The following NDUFA10 variants were observed in gnomAD, a reference collection of about 807,000 sequenced individuals.
NDUFA10 encodes the protein NADH dehydrogenase [ubiquinone] 1 alpha subcomplex subunit 10, mitochondrial.
In NDUFA10, 40 loss-of-function variants were observed where a neutral mutation model predicts 47.8. That is an observed-to-expected ratio of 0.84 (90% CI 0.65 to 1.09). The LOEUF is 1.09. NDUFA10 is among the 50% of genes least tolerant of loss of function. The probability of loss-of-function intolerance (pLI) is 0.00; values close to 1 mark genes in which losing one functional copy is unlikely to be tolerated. For synonymous variants in NDUFA10, 183 were observed against 172.2 expected (o/e 1.06, Z -0.49); for missense variants, 413 against 451.1 (o/e 0.92, Z 0.76).
At position 239,961,056 on chromosome 2, in the gene NDUFA10, G is replaced by C; in HGVS notation, c.*62C>G. 6.2e-7 allele frequency: 1 copy of C among 1,612,050 alleles called. No homozygotes were observed. The highest frequency in any genetic ancestry group is 1.1e-5 in the South Asian group (1 of 90,832). The stretch of plus-strand genomic sequence containing the variant: ...GATCTTAAAGCTATATGGCGTCCAG[G>C]AGAGTGCGGCTGATGCAGCTTGGCC... On this transcript the variant is annotated 3_prime_UTR_variant, in exon 10 of 10. Transcript: ENST00000252711.
At chr2:239,976,626 A>G (rs1051929379) in intron 9 of NDUFA10, 2 of 152,284 alleles carry the variant, frequency 1.3e-5, no homozygotes, top group African/African-American at 4.8e-5. Context: ...GCCCTGGTGC[A>G]GTGTCTGGCA....
At chr2:240,005,577 A>G (rs768677400) in intron 7 of NDUFA10, among the ~76,000 whole-genome samples, 59 of 152,038 alleles carry the variant, frequency 3.9e-4, no homozygotes, top group Non-Finnish European at 7.4e-4. Context: ...GGCTGGTCTC[A>G]AACTCCTGGG....
At chr2:239,961,778 G>A (rs933252835) in intron 9 of NDUFA10, among the ~76,000 whole-genome samples, 2 of 152,312 alleles carry the variant, frequency 1.3e-5, no homozygotes, top group African/African-American at 4.8e-5. Flanking sequence ...TGACCCTAGC[G>A]GGAGCCACTG....
intron 9 of NDUFA10, among the ~76,000 whole-genome samples, chr2:239,965,443 A>T (rs1473928454): frequency 6.6e-6 from 1 of 152,206 alleles, no homozygotes; most frequent in African/African-American, 2.4e-5. Flanking sequence ...CTCATTCATC[A>T]CATGAGAAAA....
intron 4 of NDUFA10, among the ~76,000 whole-genome samples, chr2:239,951,315 G>A (rs1415917306): frequency 2.6e-5 from 4 of 152,340 alleles, no homozygotes; most frequent in South Asian, 4.1e-4. Flanking sequence ...CAATGGCTGC[G>A]TCAGCCACCC....
At chr2:240,008,650 T>C (rs1014637641) in intron 6 of NDUFA10, among the ~76,000 whole-genome samples, 1 of 152,238 alleles carries the variant, frequency 6.6e-6, no homozygotes, top group East Asian at 1.9e-4. Context: ...TTTGACATAT[T>C]TGCACAAGAG....
At position 239,960,831 on chromosome 2, in the gene NDUFA10, G is replaced by A; in HGVS notation, c.*287C>T. 4 of 1,332,038 alleles carry A rather than the reference G, an allele frequency of 3.0e-6. No individual in the cohort carries two copies. Among genetic ancestry groups the A allele is most frequent in the Non-Finnish European group, 2.9e-6 (3 of 1,032,178 alleles). 82.5% of individuals were successfully genotyped at this position (1,332,038 alleles called of 1,614,324 possible). ...GAGCGGCAGCGCTGAAACCACAGGG[G>A]CTGCCGAGAGCTGGCCTTTCACAGC... On this transcript the variant is annotated 3_prime_UTR_variant, in exon 10 of 10. Transcript: ENST00000252711.
chr2:239,969,509 G>A (rs1040028748), intron 9 of NDUFA10: 4 of 376,970 alleles, frequency 1.1e-5, no homozygotes, highest in Non-Finnish European at 2.1e-5. Context: ...CAGTGATGGA[G>A]CACAGAAGAG....
intron 4 of NDUFA10, among the ~76,000 whole-genome samples, chr2:239,925,515 A>G (rs1293530651): frequency 6.6e-6 from 1 of 152,236 alleles, no homozygotes; most frequent in Non-Finnish European, 1.5e-5. Context: ...CCCTTTATGT[A>G]CAAAAATTAA....
chr2:240,013,350 A>G (rs1441433749), intron 5 of NDUFA10: 2 of 152,252 alleles, frequency 1.3e-5, no homozygotes, highest in African/African-American at 4.8e-5. Context: ...AGAAGTTGAC[A>G]GCTCTACTTT....
chr2:239,988,390 A>G (rs1696091752), intron 9 of NDUFA10, among the ~76,000 whole-genome samples: 1 of 152,224 alleles, frequency 6.6e-6, no homozygotes, highest in African/African-American at 2.4e-5. Context: ...ACATGAGACA[A>G]AATCTCACAA....
At chr2:240,017,302 C>CA (rs1348178740) in intron 4 of NDUFA10, among the ~76,000 whole-genome samples, 1 of 152,166 alleles carries the variant, frequency 6.6e-6, no homozygotes, top group East Asian at 1.9e-4. Context: ...CCCCAGCACC[C>CA]AGCCCTCACT....
chr2:239,983,294 AG>A (rs1418802765), intron 9 of NDUFA10, among the ~76,000 whole-genome samples: 1 of 152,194 alleles, frequency 6.6e-6, no homozygotes, highest in Non-Finnish European at 1.5e-5. Context: ...TGAAACCCAG[AG>A]GGGCTTTGTT....
chr2:239,941,738 G>GA (rs78415378), intron 4 of NDUFA10, among the ~76,000 whole-genome samples: 2 of 146,440 alleles, frequency 1.4e-5, no homozygotes, highest in South Asian at 4.4e-4. Context: ...AAAAAAAAAA[G>GA]AAAAAAAGGT....
intron 9 of NDUFA10, 129 bp from the exon 10 acceptor site, chr2:239,961,315 G>C (rs1468402057): frequency 6.5e-7 from 1 of 1,542,652 alleles, no homozygotes; most frequent in Admixed American, 1.9e-5. Context: ...GTGAGCACAT[G>C]ATCTGTGGCA....
chr2:239,959,903 C>T lies in NDUFA10; in HGVS notation c.*1215G>A, dbSNP rs1424340430. 2.0e-5 allele frequency: 20 copies of T among 985,284 alleles called. No homozygotes were observed. Among genetic ancestry groups the T allele is most frequent in the Non-Finnish European group, 2.2e-5 (18 of 829,936 alleles). The allele number at this position is 985,284 out of a possible 1,614,324, so 61.0% of individuals were successfully genotyped here. ...GGAGGGAAGGAGTGTGCATCTTCTT[C>T]GCATGCTCCGCAGCAGCGAGGCCTG... is the stretch of plus-strand genomic sequence containing the variant. On this transcript the variant is annotated 3_prime_UTR_variant, in exon 10 of 10. Coordinates refer to ENST00000252711, the MANE Select transcript of NDUFA10 (RefSeq NM_004544.4).
At position 239,959,868 on chromosome 2, in the gene NDUFA10, G is replaced by T; in HGVS notation, c.*1250C>A. The stretch of plus-strand genomic sequence containing the variant: ...AGGAAGGGGAGAGGGAAAAAGGCAG[G>T]CGGACGCAAGGAGGGAAGGAGTGTG... On this transcript the variant is annotated 3_prime_UTR_variant, in exon 10 of 10. Coordinates refer to ENST00000252711, the MANE Select transcript of NDUFA10 (RefSeq NM_004544.4). The T allele has an allele frequency of 1.0e-6, 1 of 984,464 alleles. No individual in the cohort carries two copies. Among genetic ancestry groups the T allele is most frequent in the Non-Finnish European group, 1.2e-6 (1 of 829,010 alleles). 61.0% of individuals were successfully genotyped at this position (984,464 alleles called of 1,614,324 possible).
chr2:239,931,710 C>T (rs191449510), intron 4 of NDUFA10, among the ~76,000 whole-genome samples: 1 of 152,230 alleles, frequency 6.6e-6, no homozygotes, highest in Non-Finnish European at 1.5e-5. Context: ...TAGCGGCCCC[C>T]AAGCTGTAAC....
intron 4 of NDUFA10, among the ~76,000 whole-genome samples, chr2:239,951,716 T>C (rs1039246395): frequency 2.0e-5 from 3 of 152,252 alleles, no homozygotes; most frequent in African/African-American, 4.8e-5. Context: ...ACTCTAAAGC[T>C]ATCTTCCTTG....
Sources: allele counts gnomAD v4.1 joint callset (sites outside exome capture counted in the v4.1 genomes callset), GRCh38; gene constraint gnomAD v4.1.1; transcripts MANE v1.5; gene names NCBI Gene and HGNC (gene_info 2026-07-23, HGNC 2026-07-21).